The following ZNF385D variants were observed in gnomAD, a reference collection of about 807,000 sequenced individuals.
ZNF385D encodes zinc finger protein 385D.
In ZNF385D, 15 loss-of-function variants were observed where a neutral mutation model predicts 35.8. That is an observed-to-expected ratio of 0.42 (90% confidence interval 0.28 to 0.64). ZNF385D has a LOEUF of 0.64. Ranked by LOEUF, ZNF385D falls within the 30% of genes least tolerant of loss-of-function variation. The pLI is 0.23. For missense variants in ZNF385D, 474 were observed against 494.6 expected, an observed-to-expected ratio of 0.96 and a Z score of 0.39; for synonymous variants, 212 against 186.8, an observed-to-expected ratio of 1.13 and a Z score of -1.10.
At chr3:21,602,649 C>T (rs1015269716) in intron 2 of ZNF385D, among the ~76,000 whole-genome samples, 2 of 149,940 alleles carry the variant, frequency 1.3e-5, no homozygotes, top group African/African-American at 4.9e-5. Flanking sequence ...TCTCCTGCCT[C>T]AGCCTCCCGA....
rs1054182026 is a variant in ZNF385D, at chr3:22,309,646, A to T, written c.106+62804T>A. ...CTTTTTAAATTTTAAAATCATAAAA[A>T]GGTCAATGGTGACAGTCGACAATTA... On this transcript the variant is annotated intron_variant, in intron 2 of 5. Transcript: ENST00000494108. 2.0e-5 allele frequency among the ~76,000 whole-genome samples: 3 copies of T among 152,190 alleles called. No homozygotes were observed. In the East Asian group the frequency reaches 5.8e-4, roughly 29 times the overall value.
chr3:21,568,371 C>CTA, intron 2 of ZNF385D, among the ~76,000 whole-genome samples: 1 of 152,190 alleles, frequency 6.6e-6, no homozygotes, highest in African/African-American at 2.4e-5. Context: ...ATCATTTTGT[C>CTA]TAAACTTATC....
chr3:22,087,731 G>A (rs1478491631), intron 3 of ZNF385D, among the ~76,000 whole-genome samples: 1 of 152,106 alleles, frequency 6.6e-6, no homozygotes, highest in Non-Finnish European at 1.5e-5. Context: ...TTGAAGTCAA[G>A]CTTTTCTTAT....
At chr3:22,137,007 A>G (rs914177943) in intron 3 of ZNF385D, among the ~76,000 whole-genome samples, 1 of 152,188 alleles carries the variant, frequency 6.6e-6, no homozygotes, top group Non-Finnish European at 1.5e-5. Flanking sequence ...TGGTGGATAT[A>G]TATCATTTAG....
Position 21,654,053 on chromosome 3 carries a change from C to G in ZNF385D, c.165+10833G>C, listed in dbSNP as rs571204143. Among the ~76,000 whole-genome samples the G allele has an allele frequency of 1.1e-4, 17 of 151,570 alleles. 1 individual carries two copies. Among genetic ancestry groups the G allele is most frequent in the Middle Eastern group, 3.4e-3 (1 of 292 alleles). On this transcript the variant is annotated intron_variant, in intron 2 of 7. Transcript: ENST00000281523. ...TTTAAAGAAACTGCTTTAAAATGCC[C>G]CAATCTATTGTACAACTGGACTGTC...
At chr3:22,021,191 A>C (rs1697204285) in intron 3 of ZNF385D, among the ~76,000 whole-genome samples, 1 of 151,918 alleles carries the variant, frequency 6.6e-6, no homozygotes, top group Admixed American at 6.6e-5. Context: ...AAAAGCCCTG[A>C]CTTGCCACTA....
intron 3 of ZNF385D, among the ~76,000 whole-genome samples, chr3:21,922,646 A>G (rs1700528948): frequency 1.3e-5 from 2 of 152,214 alleles, no homozygotes; most frequent in Non-Finnish European, 2.9e-5. Flanking sequence ...CTCAAGAAGA[A>G]CTAAAGATTT....
chr3:22,348,748 T>C (rs1291997033), intron 2 of ZNF385D, among the ~76,000 whole-genome samples: 2 of 152,024 alleles, frequency 1.3e-5, no homozygotes, highest in African/African-American at 4.8e-5. Flanking sequence ...GGGAATATCA[T>C]GTGAAGAGTC....
intron 3 of ZNF385D, among the ~76,000 whole-genome samples, chr3:21,889,387 C>A (rs369771921): frequency 6.6e-6 from 1 of 152,024 alleles, no homozygotes; most frequent in African/African-American, 2.4e-5. Flanking sequence ...TGTAACCAAC[C>A]AGATGGTGGA....
At chr3:22,072,450 G>GAAA (rs1355825235) in intron 3 of ZNF385D, among the ~76,000 whole-genome samples, 1 of 152,030 alleles carries the variant, frequency 6.6e-6, no homozygotes, top group Non-Finnish European at 1.5e-5. Flanking sequence ...ATCTCATCAA[G>GAAA]AATCACTAGA....
At chr3:22,342,503 C>T (rs1395500396) in intron 2 of ZNF385D, among the ~76,000 whole-genome samples, 1 of 151,942 alleles carries the variant, frequency 6.6e-6, no homozygotes, top group Non-Finnish European at 1.5e-5. Context: ...ACCTGAACAA[C>T]TTATTTAGAA....
chr3:21,944,830 TTGA>T (rs1483313785), intron 3 of ZNF385D, among the ~76,000 whole-genome samples: 2 of 152,104 alleles, frequency 1.3e-5, no homozygotes, highest in Non-Finnish European at 2.9e-5. Flanking sequence ...AGCAAATTCA[TTGA>T]TGAATAAAAT....
intron 3 of ZNF385D, among the ~76,000 whole-genome samples, chr3:21,971,560 A>G (rs1032896894): frequency 7.9e-5 from 12 of 151,860 alleles, no homozygotes; most frequent in African/African-American, 2.9e-4. Flanking sequence ...AGAAGGAAAG[A>G]AGGAAGAGAT....
chr3:22,015,177 G>A lies in ZNF385D; in HGVS notation c.325+153640C>T, dbSNP rs551246909. Among the ~76,000 whole-genome samples the A allele has an allele frequency of 3.3e-5, 5 of 152,184 alleles. No individual in the cohort carries two copies. The South Asian group carries it at 1.0e-3, about 32-fold the overall frequency. On this transcript the variant is annotated intron_variant, in intron 3 of 5. Transcript: ENST00000494108. ...TGCCAATTACAGAATTCAGTTTAAA[G>A]CAAACCAGCTTACTGTCAAGCATTA...
intron 3 of ZNF385D, among the ~76,000 whole-genome samples, chr3:22,094,244 C>A (rs1473403936): frequency 6.7e-6 from 1 of 148,814 alleles, no homozygotes; most frequent in East Asian, 2.0e-4. Context: ...TTCAAAAATT[C>A]TCATGGCTAT....
intron 3 of ZNF385D, among the ~76,000 whole-genome samples, chr3:22,138,571 A>T (rs1704302214): frequency 6.6e-6 from 1 of 151,290 alleles, no homozygotes; most frequent in African/African-American, 2.4e-5. Context: ...TGGGGAAAGG[A>T]TTCCTTATTT....
intron 3 of ZNF385D, among the ~76,000 whole-genome samples, chr3:22,096,731 A>C (rs965063621): frequency 6.6e-6 from 1 of 152,026 alleles, no homozygotes; most frequent in East Asian, 1.9e-4. Context: ...ACGCTGTTCT[A>C]TGTGTCATGG....
At chr3:21,435,286 G>T (rs1431158360) in intron 5 of ZNF385D, among the ~76,000 whole-genome samples, 33 of 135,268 alleles carry the variant, frequency 2.4e-4, no homozygotes, top group African/African-American at 2.9e-5. Context: ...TTGAGACAGG[G>T]TCTCACTGTC....
intron 1 of ZNF385D, among the ~76,000 whole-genome samples, chr3:21,726,748 G>A (rs1335194116): frequency 2.0e-5 from 3 of 152,052 alleles, no homozygotes; most frequent in Non-Finnish European, 4.4e-5. Context: ...TATACTGCCC[G>A]AAGTGGTTTA....
Sources: gnomAD v4.1 joint callset for allele counts (sites outside exome capture counted in the v4.1 genomes callset) on GRCh38, gnomAD v4.1.1 for gene constraint, MANE v1.5 for transcripts, NCBI Gene and HGNC (gene_info 2026-07-23, HGNC 2026-07-21) for gene names.